RBM12B: variants seen among roughly 807,000 people sequenced by gnomAD.
RBM12B encodes the protein RNA binding motif protein 12B.
A neutral mutation model predicts 34.3 loss-of-function variants in RBM12B; 10 were observed. The observed-to-expected ratio is 0.29, with a 90% confidence interval of 0.18 to 0.49. RBM12B has a LOEUF of 0.49. Ranked by LOEUF, RBM12B falls within the 20% of genes least tolerant of loss-of-function variation. The probability of loss-of-function intolerance (pLI) is 0.99; values close to 1 mark genes in which losing one functional copy is unlikely to be tolerated. For missense variants in RBM12B, 1,139 were observed against 1,262.7 expected (o/e 0.90, Z 1.48); for synonymous variants, 477 against 437.1 (o/e 1.09, Z -1.14).
Position 93,736,438 on chromosome 8 carries a change from C to T in RBM12B, c.-28G>A. On this transcript the variant is annotated splice_region_variant and 5_prime_UTR_variant, in exon 4 of 4. Transcript: ENST00000520560. ...TGAGCTCAAACCACAGCAATAATGA[C>T]CTGCAGACAAAAAGGTACACATAAT... 1 of 1,519,754 alleles carries T rather than the reference C, an allele frequency of 6.6e-7. No homozygotes were observed. The highest frequency in any genetic ancestry group is 8.8e-7 in the Non-Finnish European group (1 of 1,142,692). The allele number at this position is 1,519,754 out of a possible 1,614,324, so 94.1% of individuals were successfully genotyped here.
Position 93,734,488 on chromosome 8 carries a change from C to G in RBM12B, c.1923G>C (p.Glu641Asp), listed in dbSNP as rs1287031910. Residue 641 changes from glutamate (E) to aspartate (D), a missense_variant, in exon 4 of 4, where the codon GAG (glutamate) becomes GAC (aspartate). Glu to Asp is a conservative substitution (Grantham distance 45). Transcript: ENST00000520560. ...LEEDFRRSPT[E>D]DFRQLPEEDF... ...CCTCCTCGGGGAGCTGCCTGAAGTC[C>G]TCCGTGGGAGACCGCCTGAAATCCT... The G allele has an allele frequency of 1.9e-6, 3 of 1,607,156 alleles. No homozygotes were observed. The Admixed American group carries it at 5.0e-5, about 27-fold the overall frequency.
At chr8:93,737,893 G>A (rs565425187) in intron 2 of RBM12B, among the ~76,000 whole-genome samples, 12 of 149,964 alleles carry the variant, frequency 8.0e-5, no homozygotes, top group South Asian at 2.1e-4. Flanking sequence ...TCCAACTCTC[G>A]TGCTGTTCTC....
In RBM12B at chr8:93,733,398, TCTCTC is replaced by T. The variant is rs779587439; in HGVS notation, c.*2_*6del. The T allele has an allele frequency of 1.3e-6, 2 of 1,511,890 alleles. No individual in the cohort carries two copies. The highest frequency in any genetic ancestry group is 2.8e-5 in the African/African-American group (2 of 71,604). 93.7% of individuals were successfully genotyped at this position (1,511,890 alleles called of 1,614,324 possible). A position where few individuals can be genotyped will look rare whatever the true frequency, so the allele number is the denominator to read the frequency against. On this transcript the variant is annotated 3_prime_UTR_variant, in exon 4 of 4. Transcript: ENST00000520560. ...GGAAGATAACTGAATTTAGAAATGC[TCTCTC>T]TCTACAGCAAAGTTAACTTAACTTT...
chr8:93,734,167 C>A lies in RBM12B; in HGVS notation c.2244G>T (p.Arg748Ser). The stretch of plus-strand genomic sequence containing the variant: ...GCCGGAAGTGCTCTGGGGGAGGCCG[C>A]CTAAAATGCTCTGGAGGTGGTCTCC... ...HFRRPPPEHF[R>S]RPPPEHFRRP... is the part of the protein sequence containing the mutation. The change falls in exon 4 of 4, where the codon AGG becomes AGT. Residue 748 changes from arginine to serine, a missense_variant. Arg to Ser is a moderately radical substitution (Grantham distance 110). This residue lies in a region of RBM12B where 863 missense variants were observed against 869.5 expected (regional missense o/e 0.99). Coordinates refer to ENST00000520560, the MANE Select transcript of RBM12B (RefSeq NM_001377960.1). 1.3e-6 allele frequency: 2 copies of A among 1,572,552 alleles called. No homozygotes were observed. The highest frequency in any genetic ancestry group is 1.7e-6 in the Non-Finnish European group (2 of 1,159,878).
rs1811830966 is a variant in RBM12B at position 93,732,603 on chromosome 8, T to C, written c.*802A>G. 2 of 152,238 alleles carry C rather than the reference T, an allele frequency of 1.3e-5. No homozygotes were observed. Among genetic ancestry groups the C allele is most frequent in the South Asian group, 4.1e-4 (2 of 4,830 alleles). The allele number at this position is 152,238 out of a possible 1,614,324, so 9.4% of individuals were successfully genotyped here. A position where few individuals can be genotyped will look rare whatever the true frequency, so the allele number is the denominator to read the frequency against. ...TCTTTTGCGTATCTTGTATTAATTT[T>C]ACTTGGTTGATAAGATGTTGAAGAA... On this transcript the variant is annotated 3_prime_UTR_variant, in exon 4 of 4. Transcript: ENST00000520560.
intron 2 of RBM12B, among the ~76,000 whole-genome samples, chr8:93,738,390 T>G (rs559334839): frequency 1.3e-3 from 191 of 152,356 alleles, no homozygotes; most frequent in Non-Finnish European, 1.9e-3. Context: ...GAAGTTTGCG[T>G]TTAATACTTT....
At chr8:93,740,596 G>A (rs1469212975) in intron 2 of RBM12B, 33 bp downstream of exon 2, 3 of 441,466 alleles carry the variant, frequency 6.8e-6, no homozygotes, top group Non-Finnish European at 1.4e-5. Flanking sequence ...TGCCACCACT[G>A]ACTACGATGA....
At chr8:93,739,653 C>T (rs894235137) in intron 2 of RBM12B, among the ~76,000 whole-genome samples, 1 of 152,160 alleles carries the variant, frequency 6.6e-6, no homozygotes, top group Non-Finnish European at 1.5e-5. Context: ...GAAAATTACC[C>T]TCAAGTAGTC....
At position 93,737,630 on chromosome 8, in the gene RBM12B, C is replaced by T. The variant is rs3097419; in HGVS notation, c.-77-275G>A. Among the ~76,000 whole-genome samples, 96,882 of 151,866 alleles carry T rather than the reference C, an allele frequency of 0.64. 31,313 individuals are homozygous for T. The highest frequency in any genetic ancestry group is 0.83 in the East Asian group (4,300 of 5,170). On this transcript the variant is annotated intron_variant, in intron 2 of 3. Transcript: ENST00000520560. The stretch of plus-strand genomic sequence containing the variant: ...CAACTGCTCTTGATTGGAAGTAGCA[C>T]GAAGAAAGGAGTGATGGAAATGTTA...
rs1037044346 is a variant in RBM12B, at chr8:93,740,870, T to C, written c.-146+11A>G. ...AGGGGAACTGCTTCGCACTTGGCAATAAACACACACCACTGCTGCCGAGTC... is the reference window on the plus strand; with the variant it reads ...AGGGGAACTGCTTCGCACTTGGCAACAAACACACACCACTGCTGCCGAGTC... On this transcript the variant is annotated intron_variant, in intron 1 of 3. Coordinates refer to ENST00000520560, the MANE Select transcript of RBM12B (RefSeq NM_001377960.1). The C allele has an allele frequency of 1.3e-5, 4 of 313,966 alleles. No individual in the cohort carries two copies. The highest frequency in any genetic ancestry group is 2.5e-5 in the Non-Finnish European group (4 of 160,992). 19.4% of individuals were successfully genotyped at this position (313,966 alleles called of 1,614,324 possible).
At position 93,729,860 on chromosome 8, in the gene RBM12B, G is replaced by C. The variant is rs1253809037; in HGVS notation, c.*3545C>G. 1 of 152,192 alleles carries C rather than the reference G, an allele frequency of 6.6e-6. No individual in the cohort carries two copies. Among genetic ancestry groups the C allele is most frequent in the African/African-American group, 2.4e-5 (1 of 41,450 alleles). The allele number at this position is 152,192 out of a possible 1,614,324, so 9.4% of individuals were successfully genotyped here. A position where few individuals can be genotyped will look rare whatever the true frequency, so the allele number is the denominator to read the frequency against. ...GCAACCAATCCAACCAACCCAGCCT[G>C]TAAGTCTCCATCTCTTATCTCCAAA... On this transcript the variant is annotated 3_prime_UTR_variant, in exon 4 of 4. Coordinates refer to ENST00000520560, the MANE Select transcript of RBM12B (RefSeq NM_001377960.1).
In RBM12B at chr8:93,735,971, GT is replaced by G; in HGVS notation, c.439del (p.Thr147GlnfsTer4). 1 of 1,614,148 alleles carries G rather than the reference GT, an allele frequency of 6.2e-7. No individual in the cohort carries two copies. The highest frequency in any genetic ancestry group is 8.5e-7 in the Non-Finnish European group (1 of 1,180,028). On this transcript the variant is annotated frameshift_variant, in exon 4 of 4. Coordinates refer to ENST00000520560, the MANE Select transcript of RBM12B (RefSeq NM_001377960.1). LOFTEE classifies it high-confidence loss of function. ...AGGATTCTCGGCCTTCAATGGCCTT[GT>G]CTTTCTTGGCCTTAAATTACCATGT... The part of the protein sequence containing the change: ...TGHGNLRPRK[T>X]RPLKAENPYL...
Position 93,733,348 on chromosome 8 carries a change from G to A in RBM12B, c.*57C>T. The A allele has an allele frequency of 7.5e-7, 1 of 1,326,468 alleles. No individual in the cohort carries two copies. The highest frequency in any genetic ancestry group is 2.3e-5 in the South Asian group (1 of 43,398). 82.2% of individuals were successfully genotyped at this position (1,326,468 alleles called of 1,614,324 possible). A position where few individuals can be genotyped will look rare whatever the true frequency, so the allele number is the denominator to read the frequency against. On this transcript the variant is annotated 3_prime_UTR_variant, in exon 4 of 4. Transcript: ENST00000520560. ...AAAAAAACACTTTTTTAAAACAAAT[G>A]TATTTTACTCCATCAATACTGCAAG...
In RBM12B at chr8:93,728,436, C is replaced by A; in HGVS notation, c.*4969G>T. 1.8e-6 allele frequency: 1 copy of A among 547,432 alleles called. No homozygotes were observed. Among genetic ancestry groups the A allele is most frequent in the South Asian group, 3.1e-5 (1 of 32,050 alleles). The allele number at this position is 547,432 out of a possible 1,614,324, so 33.9% of individuals were successfully genotyped here. On this transcript the variant is annotated 3_prime_UTR_variant, in exon 4 of 4. Transcript: ENST00000520560. Reference sequence around the variant, plus strand: ...GAAAAATAATTAAAGGAAACTTATGCTGACCAAAAATGAAGGCTTTAAAAA... The same window carrying A: ...GAAAAATAATTAAAGGAAACTTATGATGACCAAAAATGAAGGCTTTAAAAA...
intron 2 of RBM12B, among the ~76,000 whole-genome samples, chr8:93,738,553 C>T (rs1207259833): frequency 6.6e-6 from 1 of 152,118 alleles, no homozygotes; most frequent in East Asian, 1.9e-4. Context: ...CCTCGACTTA[C>T]CCAGGCTCAG....
intron 2 of RBM12B, among the ~76,000 whole-genome samples, chr8:93,739,551 G>A (rs1056904022): frequency 1.3e-5 from 2 of 152,160 alleles, no homozygotes; most frequent in African/African-American, 4.8e-5. Context: ...CTCAAAATGG[G>A]CACTTCTGTG....
Position 93,736,171 on chromosome 8 carries a change from C to G in RBM12B, c.240G>C (p.Gln80His). Residue 80 changes from glutamine (Q) to histidine (H), a missense_variant, in exon 4 of 4, where the codon CAG (glutamine) becomes CAC (histidine). Around this residue, in one of 3 missense-constraint regions of RBM12B, gnomAD observed 216 missense variants for 292.2 expected, o/e 0.74. Coordinates refer to ENST00000520560, the MANE Select transcript of RBM12B (RefSeq NM_001377960.1). ...ELFLSSKAEM[Q>H]KTIEMKRTDR... is the part of the protein sequence containing the mutation. ...CAGTTCTTTTCATTTCTATAGTCTT[C>G]TGCATTTCTGCCTTGCTACTAAGAA... 6.2e-7 allele frequency: 1 copy of G among 1,614,190 alleles called. No homozygotes were observed. Among genetic ancestry groups the G allele is most frequent in the Non-Finnish European group, 8.5e-7 (1 of 1,180,026 alleles).
Position 93,728,518 on chromosome 8 carries a change from G to T in RBM12B, c.*4887C>A, listed in dbSNP as rs975360025. ...CTAGTGTTACATGATTTTTGTGTAA[G>T]TGCCTTTTTTTTTAAAGATGGTGTA... On this transcript the variant is annotated 3_prime_UTR_variant, in exon 4 of 4. Transcript: ENST00000520560. The T allele has an allele frequency of 5.4e-6, 2 of 369,246 alleles. No homozygotes were observed. The highest frequency in any genetic ancestry group is 2.1e-5 in the African/African-American group (1 of 46,874). 22.9% of individuals were successfully genotyped at this position (369,246 alleles called of 1,614,324 possible).
In RBM12B at chr8:93,729,460, CAG is replaced by C. The variant is rs1339891776; in HGVS notation, c.*3943_*3944del. On this transcript the variant is annotated 3_prime_UTR_variant, in exon 4 of 4. Transcript: ENST00000520560. ...TTGGTTGTACTTCGGGGGAAAACAA[CAG>C]AGTTATTATTTTGCTGCTTACTAAA... 13 of 152,136 alleles carry C rather than the reference CAG, an allele frequency of 8.5e-5. No individual in the cohort carries two copies. Among genetic ancestry groups the C allele is most frequent in the East Asian group, 1.9e-4 (1 of 5,198 alleles). The allele number at this position is 152,136 out of a possible 1,614,324, so 9.4% of individuals were successfully genotyped here. A position where few individuals can be genotyped will look rare whatever the true frequency, so the allele number is the denominator to read the frequency against.
Sources: allele counts gnomAD v4.1 joint callset (sites outside exome capture counted in the v4.1 genomes callset), GRCh38; gene constraint gnomAD v4.1.1; regional missense constraint gnomAD v4.1.1; transcripts MANE v1.5; gene names NCBI Gene and HGNC (gene_info 2026-07-23, HGNC 2026-07-21).